The following CASD1 variants were observed in gnomAD, a reference collection of about 807,000 sequenced individuals.
CASD1 encodes N-acetylneuraminate (7)9-O-acetyltransferase.
Under a neutral mutation model 100.0 loss-of-function variants are expected in CASD1, and 41 were observed. The observed-to-expected ratio is 0.41, with a 90% CI of 0.32 to 0.53. The LOEUF is 0.53. Among genes scored for constraint, CASD1 ranks in the 20% least tolerant of loss-of-function variants. The pLI is 0.25. For synonymous variants in CASD1, 321 were observed against 315.6 expected (o/e 1.02, Z -0.18); for missense variants, 774 against 948.7 (o/e 0.82, Z 2.42).
At chr7:94,542,120 G>A (rs1795434315) in intron 10 of CASD1, among the ~76,000 whole-genome samples, 1 of 152,178 alleles carries the variant, frequency 6.6e-6, no homozygotes. Flanking sequence ...CAACTTTGTA[G>A]TCCCAGCCCC....
chr7:94,535,438 T>G lies in CASD1; in HGVS notation c.758T>G (p.Met253Arg). 6.2e-7 allele frequency: 1 copy of G among 1,613,626 alleles called. No homozygotes were observed. Among genetic ancestry groups the G allele is most frequent in the Non-Finnish European group, 8.5e-7 (1 of 1,179,684 alleles). ...STRNSKSNVKMFSVSKLIAQE... is the reference protein window; with the variant it reads ...STRNSKSNVKRFSVSKLIAQE... The stretch of plus-strand genomic sequence containing the variant: ...AGAAATTCTAAATCAAATGTTAAGA[T>G]GTTCAGTGTTTCCAAATTAATTGCT... The change falls in exon 8 of 18, where the codon ATG (methionine) becomes AGG (arginine). Residue 253 changes from methionine (M) to arginine (R), a missense_variant. Physicochemically the swap from Met to Arg is moderately conservative, Grantham distance 91 (BLOSUM62 -1). Around this residue, in one of 5 missense-constraint regions of CASD1, gnomAD observed 453 missense variants for 532.6 expected, o/e 0.85. Coordinates refer to ENST00000297273, the MANE Select transcript of CASD1 (RefSeq NM_022900.5).
At chr7:94,531,862 TC>T (rs1167750399) in intron 5 of CASD1, among the ~76,000 whole-genome samples, 1 of 152,098 alleles carries the variant, frequency 6.6e-6, no homozygotes, top group African/African-American at 2.4e-5. Flanking sequence ...AGACTTAAGT[TC>T]CGACTTACCT....
At chr7:94,568,546 A>G in the CASD1 span, among the ~76,000 whole-genome samples, 1 of 152,202 alleles carries the variant, frequency 6.6e-6, no homozygotes, top group African/African-American at 2.4e-5. Context: ...AGGCATTTGT[A>G]TCTTATATTA....
chr7:94,550,641 T>C (rs1795901299), intron 14 of CASD1, among the ~76,000 whole-genome samples: 1 of 152,090 alleles, frequency 6.6e-6, no homozygotes, highest in Non-Finnish European at 1.5e-5. Context: ...CTTCTCACTC[T>C]GTCCTCATGT....
intron 1 of CASD1, among the ~76,000 whole-genome samples, chr7:94,513,568 T>C (rs1793827478): frequency 6.6e-6 from 1 of 152,224 alleles, no homozygotes. Flanking sequence ...CTTCAAGGCC[T>C]GGTTCAAATG....
the CASD1 span, chr7:94,588,599 A>T: frequency 6.4e-7 from 1 of 1,551,508 alleles, no homozygotes. Context: ...TTTGGTGAAG[A>T]TAAAGCTTCA....
the CASD1 span, chr7:94,628,974 G>A: frequency 1.3e-5 from 2 of 152,670 alleles, no homozygotes; most frequent in African/African-American, 4.8e-5. Flanking sequence ...TAGGAACATG[G>A]CTAACTATAT....
the CASD1 span, chr7:94,587,478 A>G: frequency 1.6e-6 from 2 of 1,258,148 alleles, no homozygotes; most frequent in Non-Finnish European, 2.0e-6. Context: ...AAGAAGTTCT[A>G]TCATTTCTAT....
rs950666045 is a variant in CASD1 at position 94,534,430 on chromosome 7, A to G, written c.628+628A>G. Among the ~76,000 whole-genome samples the G allele has an allele frequency of 3.3e-5, 5 of 152,164 alleles. No homozygotes were observed. In the South Asian group the frequency reaches 1.0e-3, roughly 31 times the overall value. ...CTTCACCCTGCTTCATAATATTAAT[A>G]AAGTCATTAGAAGTAAATATACTTT... is the stretch of plus-strand genomic sequence containing the variant. On this transcript the variant is annotated intron_variant, in intron 7 of 17. Coordinates refer to ENST00000297273, the MANE Select transcript of CASD1 (RefSeq NM_022900.5).
intron 5 of CASD1, among the ~76,000 whole-genome samples, chr7:94,531,747 C>T (rs1443972687): frequency 2.0e-5 from 3 of 151,906 alleles, no homozygotes; most frequent in African/African-American, 7.3e-5. Flanking sequence ...TTACATTGGT[C>T]AATTTTTTGT....
At chr7:94,585,672 A>T in the CASD1 span, among the ~76,000 whole-genome samples, 1 of 152,266 alleles carries the variant, frequency 6.6e-6, no homozygotes, top group South Asian at 2.1e-4. Flanking sequence ...TGGTTTTTTT[A>T]AAAAACAGAA....
At chr7:94,518,828 T>A (rs1207923673) in intron 3 of CASD1, among the ~76,000 whole-genome samples, 1 of 152,064 alleles carries the variant, frequency 6.6e-6, no homozygotes, top group Non-Finnish European at 1.5e-5. Flanking sequence ...TTTATATAAT[T>A]TTCCACTTTT....
chr7:94,573,191 C>A, the CASD1 span, among the ~76,000 whole-genome samples: 3 of 152,170 alleles, frequency 2.0e-5, no homozygotes, highest in African/African-American at 7.2e-5. Flanking sequence ...GTGCTTAGGA[C>A]TGCTTTGGCT....
the CASD1 span, among the ~76,000 whole-genome samples, chr7:94,562,472 T>C: frequency 6.6e-6 from 1 of 152,110 alleles, no homozygotes; most frequent in East Asian, 1.9e-4. Flanking sequence ...ATCCTAGTCT[T>C]CCAAGTCATT....
chr7:94,539,769 T>C (rs902975228), intron 10 of CASD1, among the ~76,000 whole-genome samples: 1 of 152,146 alleles, frequency 6.6e-6, no homozygotes, highest in Non-Finnish European at 1.5e-5. Flanking sequence ...TTGATTATTA[T>C]AGTTTATGTT....
chr7:94,609,118 T>C, the CASD1 span, among the ~76,000 whole-genome samples: 1 of 152,320 alleles, frequency 6.6e-6, no homozygotes, highest in Middle Eastern at 3.4e-3. Flanking sequence ...CTGCCAGTAG[T>C]ACAAAAAGCC....
rs1277717196 is a variant in CASD1 at position 94,510,106 on chromosome 7, C to T, written c.22C>T (p.Leu8=). The T allele has an allele frequency of 2.6e-6, 4 of 1,529,608 alleles. No individual in the cohort carries two copies. Among genetic ancestry groups the T allele is most frequent in the African/African-American group, 2.8e-5 (2 of 70,924 alleles). The allele number at this position is 1,529,608 out of a possible 1,614,324, so 94.8% of individuals were successfully genotyped here. The change falls in exon 1 of 18, where the codon CTG becomes TTG. Residue 8 remains leucine, a synonymous_variant. Coordinates refer to ENST00000297273, the MANE Select transcript of CASD1 (RefSeq NM_022900.5). MAALAYN[L]GKREINHYFS... The stretch of plus-strand genomic sequence containing the variant: ...CAAGATGGCGGCTCTGGCCTACAAC[C>T]TGGGCAAGCGGGAGATCAACCACTA...
chr7:94,623,587 TAGTC>T, the CASD1 span: 4 of 588,698 alleles, frequency 6.8e-6, no homozygotes, highest in East Asian at 2.8e-5. Flanking sequence ...AATAAATAAT[TAGTC>T]AGGTCTATTT....
the CASD1 span, among the ~76,000 whole-genome samples, chr7:94,604,642 A>G: frequency 6.6e-6 from 1 of 151,628 alleles, no homozygotes; most frequent in Admixed American, 6.6e-5. Flanking sequence ...AGGAAAGAAT[A>G]GTTGTTATAA....
Sources: gnomAD v4.1 joint callset for allele counts (sites outside exome capture counted in the v4.1 genomes callset) on GRCh38, gnomAD v4.1.1 for gene constraint, gnomAD v4.1.1 regional missense constraint, MANE v1.5 for transcripts, NCBI Gene and HGNC (gene_info 2026-07-23, HGNC 2026-07-21) for gene names.